The following EPHA6 variants were observed in gnomAD, a reference collection of about 807,000 sequenced individuals.
EPHA6 encodes the protein ephrin type-A receptor 6.
Under a neutral mutation model 112.0 loss-of-function variants are expected in EPHA6, and 50 were observed. That is an observed-to-expected ratio of 0.45 (90% CI 0.36 to 0.56). The LOEUF (loss-of-function observed/expected upper bound fraction) is 0.56, where lower values mean the gene tolerates loss of function less well. Among genes scored for constraint, EPHA6 ranks in the 20% least tolerant of loss-of-function variants. The pLI is 0.00. For missense variants in EPHA6, 1,280 were observed against 1,417.4 expected (o/e 0.90, Z 1.56); for synonymous variants, 529 against 490.7 (o/e 1.08, Z -1.03).
At chr3:97,679,097 T>G (rs2031647321) in intron 14 of EPHA6, among the ~76,000 whole-genome samples, 1 of 152,190 alleles carries the variant, frequency 6.6e-6, no homozygotes, top group African/African-American at 2.4e-5. Context: ...TATTATTTAT[T>G]AGTGATTCTT....
intron 3 of EPHA6, among the ~76,000 whole-genome samples, chr3:97,206,066 A>G (rs868333773): frequency 6.6e-6 from 1 of 152,084 alleles, no homozygotes. Context: ...AATATTAAAT[A>G]TATCTAATAG....
chr3:96,892,033 G>A lies in EPHA6; in HGVS notation c.450+25144G>A, dbSNP rs113592723. On this transcript the variant is annotated intron_variant, in intron 2 of 17. Coordinates refer to ENST00000389672, the MANE Select transcript of EPHA6 (RefSeq NM_001080448.3). Reference sequence around the variant, plus strand: ...TTAGAGTTGGAAAGACTTACTCATTGCAGATATATGATTTATTTGTAAATA... The same window carrying A: ...TTAGAGTTGGAAAGACTTACTCATTACAGATATATGATTTATTTGTAAATA... Among the ~76,000 whole-genome samples the A allele has an allele frequency of 1.7e-3, 261 of 152,316 alleles. 1 individual carries two copies. The highest frequency in any genetic ancestry group is 5.7e-3 in the African/African-American group (237 of 41,566).
intron 11 of EPHA6, among the ~76,000 whole-genome samples, chr3:97,588,012 T>C (rs1174808292): frequency 6.6e-6 from 1 of 152,168 alleles, no homozygotes; most frequent in East Asian, 1.9e-4. Context: ...ACAATAAAAA[T>C]GTTTGAGCAA....
At chr3:96,859,662 C>G (rs1472214924) in intron 1 of EPHA6, among the ~76,000 whole-genome samples, 1 of 152,028 alleles carries the variant, frequency 6.6e-6, no homozygotes, top group Admixed American at 6.6e-5. Context: ...TCTCTTTGGA[C>G]AAATTTAGCA....
At chr3:97,713,126 A>C (rs1477251822) in intron 14 of EPHA6, among the ~76,000 whole-genome samples, 1 of 152,196 alleles carries the variant, frequency 6.6e-6, no homozygotes, top group African/African-American at 2.4e-5. Context: ...GGCCAGGAAG[A>C]TAATGGAAAT....
intron 13 of EPHA6, among the ~76,000 whole-genome samples, chr3:97,629,805 T>C (rs377643005): frequency 1.6e-4 from 25 of 152,062 alleles, no homozygotes; most frequent in East Asian, 1.6e-3. Context: ...CACACACAGA[T>C]ATGGTCTGCA....
intron 14 of EPHA6, among the ~76,000 whole-genome samples, chr3:97,664,177 G>A (rs2094189915): frequency 6.6e-6 from 1 of 152,048 alleles, no homozygotes; most frequent in African/African-American, 2.4e-5. Flanking sequence ...CTTTTTGATG[G>A]GGTTGTTTGT....
At chr3:97,744,342 G>GTT (rs1396654390) in intron 16 of EPHA6, among the ~76,000 whole-genome samples, 5 of 152,076 alleles carry the variant, frequency 3.3e-5, no homozygotes, top group African/African-American at 9.6e-5. Context: ...CATTGTACAT[G>GTT]TTTGATAAGA....
intron 3 of EPHA6, among the ~76,000 whole-genome samples, chr3:97,025,266 A>G (rs903156055): frequency 6.6e-6 from 1 of 152,212 alleles, no homozygotes; most frequent in Non-Finnish European, 1.5e-5. Context: ...AAAGTAATTT[A>G]AAACTATTAG....
intron 6 of EPHA6, among the ~76,000 whole-genome samples, chr3:97,413,412 G>A (rs2087875053): frequency 6.6e-6 from 1 of 151,754 alleles, no homozygotes; most frequent in Non-Finnish European, 1.5e-5. Flanking sequence ...GAGAAAAGGG[G>A]AAGGAGGGTA....
At chr3:97,227,276 A>T (rs957767707) in intron 4 of EPHA6, among the ~76,000 whole-genome samples, 1 of 150,744 alleles carries the variant, frequency 6.6e-6, no homozygotes, top group Non-Finnish European at 1.5e-5. Context: ...GCTGGAGTGC[A>T]GTGGCATGAT....
intron 2 of EPHA6, among the ~76,000 whole-genome samples, chr3:96,975,960 G>A (rs2042505914): frequency 6.6e-6 from 1 of 152,084 alleles, no homozygotes; most frequent in African/African-American, 2.4e-5. Flanking sequence ...AAGCATACAT[G>A]TGATTGAGGA....
At chr3:97,602,933 CT>C (rs1262060238) in intron 12 of EPHA6, among the ~76,000 whole-genome samples, 4 of 151,688 alleles carry the variant, frequency 2.6e-5, no homozygotes, top group Non-Finnish European at 5.9e-5. Context: ...TTATTGCTTC[CT>C]AATAGTAATT....
intron 2 of EPHA6, among the ~76,000 whole-genome samples, chr3:96,903,506 T>C (rs1411419969): frequency 6.6e-6 from 1 of 152,194 alleles, no homozygotes; most frequent in African/African-American, 2.4e-5. Flanking sequence ...TGTATTTTTA[T>C]GGGACAGTTG....
At chr3:96,978,699 A>G (rs970223532) in intron 2 of EPHA6, among the ~76,000 whole-genome samples, 5 of 151,050 alleles carry the variant, frequency 3.3e-5, no homozygotes, top group African/African-American at 7.3e-5. Context: ...AACTCAGTGT[A>G]AAAAAAAATG....
intron 3 of EPHA6, among the ~76,000 whole-genome samples, chr3:97,123,150 T>G (rs1464982686): frequency 6.6e-6 from 1 of 152,088 alleles, no homozygotes; most frequent in Non-Finnish European, 1.5e-5. Flanking sequence ...TCTACAATAT[T>G]TTTGTCAGTT....
At chr3:97,314,457 C>A (rs991367896) in intron 5 of EPHA6, among the ~76,000 whole-genome samples, 3 of 151,528 alleles carry the variant, frequency 2.0e-5, no homozygotes, top group South Asian at 4.1e-4. Flanking sequence ...TAATCAAACT[C>A]ACTAGAAACC....
intron 5 of EPHA6, among the ~76,000 whole-genome samples, chr3:97,348,142 A>G (rs1559908951): frequency 6.6e-6 from 1 of 152,074 alleles, no homozygotes; most frequent in Admixed American, 6.6e-5. Flanking sequence ...ACTGCAGGGA[A>G]TAGAGGAGTA....
intron 3 of EPHA6, among the ~76,000 whole-genome samples, chr3:97,019,929 C>T (rs908429491): frequency 1.3e-4 from 20 of 152,160 alleles, no homozygotes; most frequent in African/African-American, 3.1e-4. Context: ...TTCATTTCTC[C>T]TTGTATTCAT....
Sources: allele counts gnomAD v4.1 joint callset (sites outside exome capture counted in the v4.1 genomes callset), GRCh38; gene constraint gnomAD v4.1.1; transcripts MANE v1.5; gene names NCBI Gene and HGNC (gene_info 2026-07-23, HGNC 2026-07-21).